PRKD1: variants seen among roughly 807,000 people sequenced by gnomAD.
The protein encoded by PRKD1 is serine/threonine-protein kinase D1.
In PRKD1, 63 loss-of-function variants were observed where a neutral mutation model predicts 95.9. The ratio of observed to expected loss-of-function variants is 0.66; its 90% CI spans 0.54 to 0.81. The LOEUF is 0.81. PRKD1 is among the 30% of genes least tolerant of loss of function. The probability of loss-of-function intolerance (pLI) is 0.00; values close to 1 mark genes in which losing one functional copy is unlikely to be tolerated. For missense variants in PRKD1, 1,048 were observed against 1,165.3 expected (o/e 0.90, Z 1.47); for synonymous variants, 425 against 423.1 (o/e 1.00, Z -0.05).
At chr14:29,733,377 G>C (rs1007156009) in intron 1 of PRKD1, among the ~76,000 whole-genome samples, 2 of 152,098 alleles carry the variant, frequency 1.3e-5, no homozygotes, top group African/African-American at 4.8e-5. Context: ...TGGGATTACA[G>C]GAGTGAGCTA....
At chr14:29,718,263 T>G (rs1188550355) in intron 2 of PRKD1, among the ~76,000 whole-genome samples, 1 of 152,238 alleles carries the variant, frequency 6.6e-6, no homozygotes, top group East Asian at 1.9e-4. Flanking sequence ...CTCGTGATAG[T>G]GAGTGAATTC....
chr14:29,648,412 G>C (rs1250217659), intron 4 of PRKD1, among the ~76,000 whole-genome samples: 1 of 151,946 alleles, frequency 6.6e-6, no homozygotes, highest in Non-Finnish European at 1.5e-5. Flanking sequence ...CAGTTGACTG[G>C]ATACTTTTGA....
intron 1 of PRKD1, among the ~76,000 whole-genome samples, chr14:29,827,467 C>T (rs1891243675): frequency 6.6e-6 from 1 of 152,084 alleles, no homozygotes; most frequent in Non-Finnish European, 1.5e-5. Flanking sequence ...TTTCACAGGG[C>T]CATGCTTCCT....
At chr14:29,665,442 C>G (rs1047655392) in intron 3 of PRKD1, among the ~76,000 whole-genome samples, 4 of 152,008 alleles carry the variant, frequency 2.6e-5, no homozygotes, top group Non-Finnish European at 4.4e-5. Flanking sequence ...CCCTGTGTAC[C>G]CACAGATTAG....
chr14:29,639,628 T>A (rs866054540), intron 4 of PRKD1, among the ~76,000 whole-genome samples: 259 of 144,552 alleles, frequency 1.8e-3, no homozygotes, highest in Admixed American at 6.4e-3. Flanking sequence ...TCAAAAAAAA[T>A]AAATAAATAA....
Position 29,630,862 on chromosome 14 carries a change from T to A in PRKD1, c.1552A>T (p.Ser518Cys), listed in dbSNP as rs1001615066. 3.7e-6 allele frequency: 6 copies of A among 1,614,002 alleles called. No individual in the cohort carries two copies. In the African/African-American group the frequency reaches 6.7e-5, roughly 18 times the overall value. The change falls in exon 10 of 18, where the codon AGT (serine) becomes TGT (cysteine). Residue 518 changes from serine (S) to cysteine (C), a missense_variant. Ser to Cys is a moderately radical substitution (Grantham distance 112). Around this residue, in one of 3 missense-constraint regions of PRKD1, gnomAD observed 739 missense variants for 861.9 expected, o/e 0.86. Transcript: ENST00000331968. ...VNPSSPSPNNSVLTSGVGADV... is the reference protein window; with the variant it reads ...VNPSSPSPNNCVLTSGVGADV... Reference sequence around the variant, plus strand: ...GCACCAACGCCACTGGTGAGAACACTGTTATTTGGTGATGGGCTGGAAGGA... The same window carrying A: ...GCACCAACGCCACTGGTGAGAACACAGTTATTTGGTGATGGGCTGGAAGGA...
intron 1 of PRKD1, among the ~76,000 whole-genome samples, chr14:29,750,020 TA>T (rs1327184727): frequency 6.6e-6 from 1 of 152,164 alleles, no homozygotes; most frequent in African/African-American, 2.4e-5. Context: ...CCAAGGGAAT[TA>T]TCTCCTCCTC....
At chr14:29,580,985 C>G (rs775069489) in intron 16 of PRKD1, among the ~76,000 whole-genome samples, 28 of 151,634 alleles carry the variant, frequency 1.8e-4, no homozygotes, top group Non-Finnish European at 3.4e-4. Flanking sequence ...CAGATGACAT[C>G]ATGACACAAT....
At chr14:29,758,030 C>T (rs955962210) in intron 1 of PRKD1, among the ~76,000 whole-genome samples, 1 of 152,024 alleles carries the variant, frequency 6.6e-6, no homozygotes, top group African/African-American at 2.4e-5. Context: ...TTCTAAGGAC[C>T]TATGAAATGC....
At chr14:29,897,622 TAAAGATAAAAGGATAATA>T (rs1008485545) in intron 1 of PRKD1, among the ~76,000 whole-genome samples, 15 of 152,128 alleles carry the variant, frequency 9.9e-5, no homozygotes, top group African/African-American at 3.4e-4. Context: ...GGAATTTTTA[TAAAGATAAAAGGATAATA>T]AAAGATAAAA....
chr14:29,816,686 A>T (rs1172580775), intron 1 of PRKD1, among the ~76,000 whole-genome samples: 1 of 152,080 alleles, frequency 6.6e-6, no homozygotes, highest in Non-Finnish European at 1.5e-5. Flanking sequence ...CTGACTTTGC[A>T]CCTCTTTGGT....
intron 13 of PRKD1, among the ~76,000 whole-genome samples, chr14:29,617,538 A>G (rs1236984938): frequency 6.6e-6 from 1 of 152,172 alleles, no homozygotes; most frequent in African/African-American, 2.4e-5. Flanking sequence ...TTTATTATAA[A>G]TAGGAGCTCT....
intron 1 of PRKD1, among the ~76,000 whole-genome samples, chr14:29,913,167 T>C (rs1221782768): frequency 6.6e-6 from 1 of 152,208 alleles, no homozygotes; most frequent in East Asian, 1.9e-4. Context: ...CTAACCTAAG[T>C]AGGGTGTTTG....
chr14:29,737,446 A>G (rs1886785237), intron 1 of PRKD1, among the ~76,000 whole-genome samples: 1 of 152,014 alleles, frequency 6.6e-6, no homozygotes, highest in Non-Finnish European at 1.5e-5. Flanking sequence ...AATGGAATAC[A>G]TCAGGCAGTT....
intron 1 of PRKD1, among the ~76,000 whole-genome samples, chr14:29,839,540 C>A (rs1891747488): frequency 1.3e-5 from 2 of 152,200 alleles, no homozygotes; most frequent in East Asian, 3.9e-4. Flanking sequence ...GGACGGTGGC[C>A]CTCTTCTCAC....
At chr14:29,680,576 T>C (rs1437567511) in intron 2 of PRKD1, among the ~76,000 whole-genome samples, 1 of 152,182 alleles carries the variant, frequency 6.6e-6, no homozygotes, top group African/African-American at 2.4e-5. Flanking sequence ...GTTGGCTGAT[T>C]TTTGCATGAA....
chr14:29,703,269 C>T (rs1256130117), intron 2 of PRKD1, among the ~76,000 whole-genome samples: 1 of 152,180 alleles, frequency 6.6e-6, no homozygotes, highest in East Asian at 1.9e-4. Context: ...GTTAATGTCT[C>T]CTTTTTACTT....
chr14:29,729,015 A>G (rs1476533313), intron 1 of PRKD1, among the ~76,000 whole-genome samples: 2 of 152,188 alleles, frequency 1.3e-5, no homozygotes, highest in African/African-American at 2.4e-5. Flanking sequence ...ATTTCTACAA[A>G]AAGTTGTGAA....
chr14:29,896,756 C>T (rs985383000), intron 1 of PRKD1, among the ~76,000 whole-genome samples: 1 of 150,362 alleles, frequency 6.7e-6, no homozygotes, highest in African/African-American at 2.4e-5. Context: ...AGAGCAGGAA[C>T]CTCCTTGCCT....
Sources: gnomAD v4.1 joint callset for allele counts (sites outside exome capture counted in the v4.1 genomes callset) on GRCh38, gnomAD v4.1.1 for gene constraint, gnomAD v4.1.1 regional missense constraint, MANE v1.5 for transcripts, NCBI Gene and HGNC (gene_info 2026-07-23, HGNC 2026-07-21) for gene names.